The following TBC1D32 variants were observed in gnomAD, a reference collection of about 807,000 sequenced individuals.
TBC1D32 encodes TBC1 domain family member 32, also known as protein broad-minded.
Under a neutral mutation model 170.3 loss-of-function variants are expected in TBC1D32, and 151 were observed. That is an observed-to-expected ratio of 0.89 (90% CI 0.78 to 1.01). The LOEUF is 1.01. Among genes scored for constraint, TBC1D32 ranks in the 50% least tolerant of loss-of-function variants. TBC1D32 has a pLI of 0.00. For synonymous variants in TBC1D32, 498 were observed against 488.0 expected, an observed-to-expected ratio of 1.02 and a Z score of -0.27; for missense variants, 1,464 against 1,457.1, an observed-to-expected ratio of 1.00 and a Z score of -0.08.
intron 29 of TBC1D32, among the ~76,000 whole-genome samples, chr6:121,110,524 A>G (rs1779100894): frequency 6.6e-6 from 1 of 151,986 alleles, no homozygotes; most frequent in Non-Finnish European, 1.5e-5. Flanking sequence ...GAGGTTGATT[A>G]CAATAATGTG....
Position 121,113,089 on chromosome 6 carries a change from G to A in TBC1D32, c.3142C>T (p.Gln1048Ter). Reference protein sequence around the residue: ...LKHCERFLKQQQTSIKSSLLC... With the variant: ...LKHCERFLKQ Reference sequence around the variant, plus strand: ...AGAGAAGATTTTATGGAAGTTTGCTGCTGTTTCAGGAATCTCTCACAATGC... The same window carrying A: ...AGAGAAGATTTTATGGAAGTTTGCTACTGTTTCAGGAATCTCTCACAATGC... Residue 1048 changes from glutamine to a stop codon, truncating the protein, a stop_gained, in exon 28 of 32, where the codon CAG (glutamine) becomes TAG (stop). Transcript: ENST00000398212. LOFTEE classifies it high-confidence loss of function. 1 of 1,610,424 alleles carries A rather than the reference G, an allele frequency of 6.2e-7. No individual in the cohort carries two copies. Among genetic ancestry groups the A allele is most frequent in the Non-Finnish European group, 8.5e-7 (1 of 1,178,646 alleles).
At chr6:121,108,320 T>C (rs182283809) in intron 29 of TBC1D32, among the ~76,000 whole-genome samples, 2 of 152,022 alleles carry the variant, frequency 1.3e-5, no homozygotes, top group East Asian at 3.9e-4. Flanking sequence ...ACTTATAGAG[T>C]TTTGATGTAA....
chr6:121,134,167 A>G (rs1781755441), intron 24 of TBC1D32, among the ~76,000 whole-genome samples: 1 of 152,130 alleles, frequency 6.6e-6, no homozygotes, highest in African/African-American at 2.4e-5. Flanking sequence ...TGCAAAGATA[A>G]TGCAGTTTTT....
Position 121,142,460 on chromosome 6 carries a change from T to C in TBC1D32, c.2774-10708A>G, listed in dbSNP as rs529179274. 7.9e-5 allele frequency among the ~76,000 whole-genome samples: 12 copies of C among 152,356 alleles called. No individual in the cohort carries two copies. The South Asian group carries it at 1.9e-3, about 24-fold the overall frequency. ...CATCCAAAAGGTTTCTTGATAAAGATAGAAATTCCATGATAGTAAGATAAA... is the reference window on the plus strand; with the variant it reads ...CATCCAAAAGGTTTCTTGATAAAGACAGAAATTCCATGATAGTAAGATAAA... On this transcript the variant is annotated intron_variant, in intron 24 of 31. Transcript: ENST00000398212.
chr6:121,195,740 G>A (rs534867307), intron 22 of TBC1D32, among the ~76,000 whole-genome samples: 1 of 152,238 alleles, frequency 6.6e-6, no homozygotes, highest in African/African-American at 2.4e-5. Flanking sequence ...ACTAGGGCCT[G>A]GTTCACAGAT....
intron 24 of TBC1D32, among the ~76,000 whole-genome samples, chr6:121,149,555 T>C (rs1783934618): frequency 6.6e-6 from 1 of 152,174 alleles, no homozygotes; most frequent in Non-Finnish European, 1.5e-5. Flanking sequence ...TTGTCAAAGA[T>C]CAGATGATTG....
intron 19 of TBC1D32, among the ~76,000 whole-genome samples, chr6:121,240,021 G>A (rs74693538): frequency 0.027 from 4,164 of 152,160 alleles, 153 homozygotes; most frequent in African/African-American, 0.087. Flanking sequence ...TGGAGCCTTA[G>A]TTCCCCCATT....
intron 17 of TBC1D32, 40 bp downstream of exon 17, chr6:121,255,288 C>T (rs778628486): frequency 2.5e-6 from 3 of 1,215,336 alleles, no homozygotes; most frequent in Admixed American, 4.5e-5. Context: ...TTTATTTCAG[C>T]AAATATAATA....
At position 121,303,649 on chromosome 6, in the gene TBC1D32, C is replaced by A. The variant is rs745851336; in HGVS notation, c.1048G>T (p.Asp350Tyr). 3.1e-6 allele frequency: 5 copies of A among 1,592,216 alleles called. No homozygotes were observed. The change falls in exon 9 of 32, where the codon GAT becomes TAT. Residue 350 changes from aspartate to tyrosine, a missense_variant. This residue lies in a region of TBC1D32 where 1,363 missense variants were observed against 1,338.1 expected (regional missense o/e 1.02). Coordinates refer to ENST00000398212, the MANE Select transcript of TBC1D32 (RefSeq NM_152730.6). ...LDPIYFFALV[D>Y]TKAVWFKKWM... is the part of the protein sequence containing the mutation. ...TTTTTGAACCACACAGCCTTGGTATCAACTAATGCAAAAAAGTAGATCGGA... is the reference window on the plus strand; with the variant it reads ...TTTTTGAACCACACAGCCTTGGTATAAACTAATGCAAAAAAGTAGATCGGA...
intron 22 of TBC1D32, among the ~76,000 whole-genome samples, chr6:121,198,147 C>A (rs1791002878): frequency 7.0e-6 from 1 of 143,404 alleles, no homozygotes; most frequent in Admixed American, 7.2e-5. Context: ...AATAAACTCC[C>A]CTTTGTAGAT....
At position 121,192,066 on chromosome 6, in the gene TBC1D32, T is replaced by TTATATATATATATATATA. The variant is rs1554263739; in HGVS notation, c.2570+13008_2570+13009insTATATATATATATATATA. The stretch of plus-strand genomic sequence containing the variant: ...AAGTTAATACTTAATAAACTACCCT[T>TTATATATATATATATATA]TATATATATATATATATCCTATTAG... On this transcript the variant is annotated intron_variant, in intron 22 of 31. Coordinates refer to ENST00000398212, the MANE Select transcript of TBC1D32 (RefSeq NM_152730.6). Among the ~76,000 whole-genome samples the TTATATATATATATATATA allele has an allele frequency of 2.5e-4, 30 of 122,446 alleles. 1 individual carries two copies. The highest frequency in any genetic ancestry group is 1.0e-3 in the African/African-American group (30 of 28,848). 80.3% of individuals were successfully genotyped at this position (122,446 alleles called of 152,430 possible).
At chr6:121,259,512 T>C (rs894608990) in intron 15 of TBC1D32, among the ~76,000 whole-genome samples, 3 of 152,284 alleles carry the variant, frequency 2.0e-5, no homozygotes, top group East Asian at 1.9e-4. Flanking sequence ...TAGTGAAATA[T>C]GGCAGACTGA....
chr6:121,112,387 A>G, intron 29 of TBC1D32, 118 bp downstream of exon 29: 1 of 893,730 alleles, frequency 1.1e-6, no homozygotes, highest in South Asian at 3.0e-5. Flanking sequence ...ACATTCAAGT[A>G]GAAAAATGAG....
intron 24 of TBC1D32, among the ~76,000 whole-genome samples, chr6:121,142,389 A>C (rs1782903482): frequency 6.6e-6 from 1 of 152,222 alleles, no homozygotes; most frequent in African/African-American, 2.4e-5. Context: ...TGACCAGAAA[A>C]ATTACTCTCC....
Position 121,113,117 on chromosome 6 carries a change from T to G in TBC1D32, c.3114A>C (p.Leu1038Phe). Residue 1038 changes from leucine to phenylalanine, a missense_variant, in exon 28 of 32, where the codon TTA (leucine) becomes TTC (phenylalanine). Physicochemically the swap from Leu to Phe is conservative, Grantham distance 22. Around this residue, in one of 3 missense-constraint regions of TBC1D32, gnomAD observed 1,363 missense variants for 1,338.1 expected, o/e 1.02. Coordinates refer to ENST00000398212, the MANE Select transcript of TBC1D32 (RefSeq NM_152730.6). ...GTTTCAGGAATCTCTCACAATGCTTTAAAACCCAGGTAAGATCATTTTCTG... is the reference window on the plus strand; with the variant it reads ...GTTTCAGGAATCTCTCACAATGCTTGAAAACCCAGGTAAGATCATTTTCTG... ...DGAENDLTWV[L>F]KHCERFLKQQ... 1 of 1,612,438 alleles carries G rather than the reference T, an allele frequency of 6.2e-7. No homozygotes were observed. Among genetic ancestry groups the G allele is most frequent in the Non-Finnish European group, 8.5e-7 (1 of 1,179,284 alleles).
At chr6:121,094,483 A>G (rs6921681) in intron 30 of TBC1D32, among the ~76,000 whole-genome samples, 41,110 of 151,992 alleles carry the variant, frequency 0.27, 8,454 homozygotes, top group African/African-American at 0.57. Flanking sequence ...GTATTTTTAT[A>G]AAGTTCTGCA....
intron 22 of TBC1D32, among the ~76,000 whole-genome samples, chr6:121,187,437 T>C (rs1789342980): frequency 6.6e-6 from 1 of 152,124 alleles, no homozygotes; most frequent in South Asian, 2.1e-4. Flanking sequence ...AATGTTGTAA[T>C]ATGCAAATAA....
chr6:121,257,112 A>T (rs1799141346), intron 15 of TBC1D32, among the ~76,000 whole-genome samples: 1 of 152,188 alleles, frequency 6.6e-6, no homozygotes, highest in Non-Finnish European at 1.5e-5. Context: ...TTGGAAAAAC[A>T]GTCATGTTTA....
chr6:121,131,475 C>A lies in TBC1D32; in HGVS notation c.2899+152G>T, dbSNP rs569730552. ...AGTGTCTCATATTTTAATTTGTGTT[C>A]TCTCAGGATCCCAATTTTCTCAGAA... On this transcript the variant is annotated intron_variant, in intron 25 of 31. Coordinates refer to ENST00000398212, the MANE Select transcript of TBC1D32 (RefSeq NM_152730.6). 247 of 700,410 alleles carry A rather than the reference C, an allele frequency of 3.5e-4. 5 individuals carry two copies. In the South Asian group the frequency reaches 6.3e-3, roughly 18 times the overall value. The allele number at this position is 700,410 out of a possible 1,614,324, so 43.4% of individuals were successfully genotyped here.
Sources: gnomAD v4.1 joint callset for allele counts (sites outside exome capture counted in the v4.1 genomes callset) on GRCh38, gnomAD v4.1.1 for gene constraint, gnomAD v4.1.1 regional missense constraint, MANE v1.5 for transcripts, NCBI Gene and HGNC (gene_info 2026-07-23, HGNC 2026-07-21) for gene names.